The following XKR4 variants were observed in gnomAD, a reference collection of about 807,000 sequenced individuals.
The protein encoded by XKR4 is XK-related protein 4.
Under a neutral mutation model 53.9 loss-of-function variants are expected in XKR4, and 12 were observed. That is an observed-to-expected ratio of 0.22 (90% CI 0.14 to 0.36). The LOEUF is 0.36. XKR4 is among the 10% of genes least tolerant of loss of function. The pLI is 1.00. For synonymous variants in XKR4, 354 were observed against 362.4 expected, an observed-to-expected ratio of 0.98 and a Z score of 0.26; for missense variants, 799 against 859.5, an observed-to-expected ratio of 0.93 and a Z score of 0.88.
intron 1 of XKR4, among the ~76,000 whole-genome samples, chr8:55,298,984 T>A (rs1051564843): frequency 6.6e-6 from 1 of 152,298 alleles, no homozygotes; most frequent in African/African-American, 2.4e-5. Context: ...AAGACCTTTA[T>A]CTGATTTACA....
intron 2 of XKR4, among the ~76,000 whole-genome samples, chr8:55,397,624 C>T (rs1804540754): frequency 6.6e-6 from 1 of 151,882 alleles, no homozygotes; most frequent in South Asian, 2.1e-4. Flanking sequence ...GCCACTGCAC[C>T]CCACCACACA....
intron 1 of XKR4, among the ~76,000 whole-genome samples, chr8:55,141,299 C>G (rs933146054): frequency 6.6e-6 from 1 of 152,202 alleles, no homozygotes; most frequent in Non-Finnish European, 1.5e-5. Flanking sequence ...AGACGCATCT[C>G]CTGGAGGTAT....
Position 55,312,419 on chromosome 8 carries a change from C to T in XKR4, c.807-45259C>T, listed in dbSNP as rs1202122453. 1.3e-5 allele frequency among the ~76,000 whole-genome samples: 2 copies of T among 152,110 alleles called. 1 individual carries two copies. Among genetic ancestry groups the T allele is most frequent in the African/African-American group, 4.8e-5 (2 of 41,422 alleles). ...TTTCCTTTATTTATATAGCCAATTA[C>T]AAAGGCAGAATAAGAAGGCATATTT... On this transcript the variant is annotated intron_variant, in intron 1 of 2. Transcript: ENST00000327381.
chr8:55,187,305 C>CAAAAAAAAAA (rs1168014848), intron 1 of XKR4, among the ~76,000 whole-genome samples: 13 of 95,858 alleles, frequency 1.4e-4, no homozygotes, highest in African/African-American at 4.0e-4. Flanking sequence ...TTTCCAGGAC[C>CAAAAAAAAAA]AAAAAAAAAA....
intron 2 of XKR4, among the ~76,000 whole-genome samples, chr8:55,428,662 C>T (rs941913186): frequency 6.6e-6 from 1 of 152,228 alleles, no homozygotes; most frequent in African/African-American, 2.4e-5. Flanking sequence ...GGAGCCTGAA[C>T]TTCCACGCCC....
intron 1 of XKR4, among the ~76,000 whole-genome samples, chr8:55,229,616 T>C (rs1038900246): frequency 1.1e-4 from 16 of 152,164 alleles, no homozygotes; most frequent in Non-Finnish European, 1.8e-4. Context: ...TCCTCCTGAG[T>C]TTCTCCACTT....
chr8:55,228,242 C>G, intron 1 of XKR4, among the ~76,000 whole-genome samples: 1 of 152,034 alleles, frequency 6.6e-6, no homozygotes, highest in East Asian at 1.9e-4. Flanking sequence ...AGAGCTGCCA[C>G]GTGGGAACTG....
chr8:55,381,145 T>C (rs1166751956), intron 2 of XKR4, among the ~76,000 whole-genome samples: 1 of 152,202 alleles, frequency 6.6e-6, no homozygotes, highest in Non-Finnish European at 1.5e-5. Context: ...TTGGAGATGA[T>C]GAAAAGTAAT....
At chr8:55,421,964 C>G (rs1287932094) in intron 2 of XKR4, among the ~76,000 whole-genome samples, 1 of 152,186 alleles carries the variant, frequency 6.6e-6, no homozygotes, top group Admixed American at 6.5e-5. Flanking sequence ...TCTCACCTTT[C>G]TGCACTTACA....
intron 1 of XKR4, among the ~76,000 whole-genome samples, chr8:55,129,169 C>T (rs1316571420): frequency 6.6e-6 from 1 of 152,168 alleles, no homozygotes; most frequent in Non-Finnish European, 1.5e-5. Flanking sequence ...GGAGAGAGAA[C>T]CCAAAGATTT....
chr8:55,523,913 C>T lies in XKR4; in HGVS notation c.1639C>T (p.Arg547Trp), dbSNP rs931462398. The change falls in exon 3 of 3, where the codon CGG becomes TGG. Residue 547 changes from arginine to tryptophan, a missense_variant. Around this residue, in one of 3 missense-constraint regions of XKR4, gnomAD observed 269 missense variants for 264.4 expected, o/e 1.02. Coordinates refer to ENST00000327381, the MANE Select transcript of XKR4 (RefSeq NM_052898.2). ...CCCAGACGTGGCCACAAGCACCCTA[C>T]GGTCCATCTCCAACAACCGCAGTGT... ...LPPDVATSTL[R>W]SISNNRSVVS... 7 of 1,614,198 alleles carry T rather than the reference C, an allele frequency of 4.3e-6. No homozygotes were observed. Among genetic ancestry groups the T allele is most frequent in the South Asian group, 2.2e-5 (2 of 91,084 alleles).
intron 2 of XKR4, among the ~76,000 whole-genome samples, chr8:55,483,396 A>G (rs1806142921): frequency 6.6e-6 from 1 of 152,214 alleles, no homozygotes; most frequent in South Asian, 2.1e-4. Context: ...AAAAAGGCAC[A>G]TGTTAATGTT....
At chr8:55,373,227 C>T (rs967556879) in intron 2 of XKR4, among the ~76,000 whole-genome samples, 21 of 152,078 alleles carry the variant, frequency 1.4e-4, no homozygotes, top group Admixed American at 5.2e-4. Flanking sequence ...AGTACAGTGG[C>T]GCGATCTTGG....
chr8:55,502,609 T>C (rs1585609167), intron 2 of XKR4, among the ~76,000 whole-genome samples: 1 of 63,436 alleles, frequency 1.6e-5, no homozygotes, highest in Non-Finnish European at 3.0e-5. Flanking sequence ...TGAGTTATAG[T>C]TTTTTTTTAA....
chr8:55,327,601 T>G (rs1053339781), intron 1 of XKR4, among the ~76,000 whole-genome samples: 1 of 152,252 alleles, frequency 6.6e-6, no homozygotes, highest in African/African-American at 2.4e-5. Flanking sequence ...TTCAAGGTTG[T>G]ATTTTGCTGG....
chr8:55,447,134 A>C (rs997286504), intron 2 of XKR4, among the ~76,000 whole-genome samples: 18 of 152,200 alleles, frequency 1.2e-4, no homozygotes, highest in Non-Finnish European at 2.5e-4. Context: ...TAGATGGTGA[A>C]CCAGTGATCT....
intron 1 of XKR4, among the ~76,000 whole-genome samples, chr8:55,315,836 A>G (rs1274922250): frequency 3.9e-5 from 6 of 152,174 alleles, no homozygotes; most frequent in Non-Finnish European, 7.3e-5. Flanking sequence ...CATATTTTCC[A>G]TGCTCTTCTC....
At chr8:55,234,944 G>C (rs1245425861) in intron 1 of XKR4, among the ~76,000 whole-genome samples, 1 of 152,134 alleles carries the variant, frequency 6.6e-6, no homozygotes, top group Non-Finnish European at 1.5e-5. Flanking sequence ...ATGGGCAAGG[G>C]CATCAGCTGC....
At chr8:55,389,970 T>C (rs112885104) in intron 2 of XKR4, among the ~76,000 whole-genome samples, 1 of 152,156 alleles carries the variant, frequency 6.6e-6, no homozygotes, top group Non-Finnish European at 1.5e-5. Flanking sequence ...TAGGTTCTAA[T>C]TGTTATATGG....
Sources: gnomAD v4.1 joint callset for allele counts (sites outside exome capture counted in the v4.1 genomes callset) on GRCh38, gnomAD v4.1.1 for gene constraint, gnomAD v4.1.1 regional missense constraint, MANE v1.5 for transcripts, NCBI Gene and HGNC (gene_info 2026-07-23, HGNC 2026-07-21) for gene names.